Variants in NTN4 observed in about 807,000 individuals in gnomAD.
The protein encoded by NTN4 is netrin-4.
Under a neutral mutation model 73.6 loss-of-function variants are expected in NTN4, and 32 were observed. The ratio of observed to expected loss-of-function variants is 0.44; its 90% confidence interval spans 0.33 to 0.58. NTN4 has a LOEUF of 0.58. Among genes scored for constraint, NTN4 ranks in the 20% least tolerant of loss-of-function variants. NTN4 has a pLI of 0.04. For synonymous variants in NTN4, 258 were observed against 287.5 expected, an observed-to-expected ratio of 0.90 and a Z score of 1.04; for missense variants, 654 against 798.3, an observed-to-expected ratio of 0.82 and a Z score of 2.18.
At chr12:95,769,468 G>A (rs1242922432) in intron 2 of NTN4, among the ~76,000 whole-genome samples, 2 of 150,946 alleles carry the variant, frequency 1.3e-5, no homozygotes, top group African/African-American at 2.4e-5. Context: ...AGCAATGAAC[G>A]ACTCGCGAGT....
Position 95,749,404 on chromosome 12 carries a change from A to C in NTN4, c.586-11260T>G, listed in dbSNP as rs568472360. ...TCAGGTCCTCAGACCGACCAGCCCA[A>C]GGAACATCTCACCAATTTTAAATCA... On this transcript the variant is annotated intron_variant, in intron 2 of 9. Coordinates refer to ENST00000343702, the MANE Select transcript of NTN4 (RefSeq NM_021229.4). 5.0e-3 allele frequency among the ~76,000 whole-genome samples: 758 copies of C among 152,324 alleles called. 7 individuals carry two copies. Among genetic ancestry groups the C allele is most frequent in the Middle Eastern group, 6.8e-3 (2 of 294 alleles).
At chr12:95,760,679 T>C (rs914468093) in intron 2 of NTN4, among the ~76,000 whole-genome samples, 2 of 126,400 alleles carry the variant, frequency 1.6e-5, no homozygotes, top group African/African-American at 3.1e-5. Context: ...AATTGTATCA[T>C]CTTTTTTTTT....
chr12:95,786,184 A>G (rs1163394481), intron 2 of NTN4, among the ~76,000 whole-genome samples: 1 of 152,186 alleles, frequency 6.6e-6, no homozygotes, highest in Admixed American at 6.5e-5. Context: ...TTATTGAAGT[A>G]TTATATTCTC....
At chr12:95,662,500 G>C (rs2078146569) in intron 9 of NTN4, among the ~76,000 whole-genome samples, 1 of 151,782 alleles carries the variant, frequency 6.6e-6, no homozygotes, top group African/African-American at 2.4e-5. Flanking sequence ...CAAAGTGCTG[G>C]GATTACAGGT....
intron 7 of NTN4, among the ~76,000 whole-genome samples, chr12:95,676,250 C>T (rs961812349): frequency 1.1e-4 from 17 of 151,938 alleles, no homozygotes; most frequent in East Asian, 9.7e-4. Flanking sequence ...ATCACAGGTA[C>T]GCGCCACCAC....
chr12:95,720,339 T>C (rs1450083844), intron 3 of NTN4, among the ~76,000 whole-genome samples: 2 of 152,182 alleles, frequency 1.3e-5, no homozygotes, highest in Admixed American at 6.5e-5. Flanking sequence ...CTTGCTCTGA[T>C]GGACAGACCT....
chr12:95,748,417 T>G (rs1317617167), intron 2 of NTN4, among the ~76,000 whole-genome samples: 2 of 151,568 alleles, frequency 1.3e-5, no homozygotes, highest in Non-Finnish European at 2.9e-5. Context: ...CTGGAACTTT[T>G]GCCTAATATA....
intron 2 of NTN4, among the ~76,000 whole-genome samples, chr12:95,752,404 T>C (rs1465341322): frequency 2.1e-4 from 32 of 150,248 alleles, no homozygotes; most frequent in African/African-American, 7.4e-4. Context: ...TATTCTGTTC[T>C]GGATCTCAAA....
At chr12:95,713,444 T>G in intron 3 of NTN4, 106 bp from the exon 4 acceptor site, 1 of 1,262,272 alleles carries the variant, frequency 7.9e-7, no homozygotes, top group Non-Finnish European at 1.1e-6. Flanking sequence ...TCATAAGATG[T>G]TCATTCACTT....
chr12:95,785,264 T>C (rs942958748), intron 2 of NTN4, among the ~76,000 whole-genome samples: 1 of 152,256 alleles, frequency 6.6e-6, no homozygotes, highest in East Asian at 1.9e-4. Context: ...AGCACTGAGA[T>C]GTAAGGAGCC....
At chr12:95,733,100 C>T (rs558885956) in intron 3 of NTN4, among the ~76,000 whole-genome samples, 3 of 152,200 alleles carry the variant, frequency 2.0e-5, no homozygotes, top group Non-Finnish European at 4.4e-5. Flanking sequence ...TTAAATATTT[C>T]TCACAGTATT....
intron 3 of NTN4, among the ~76,000 whole-genome samples, chr12:95,726,181 T>G (rs2078692555): frequency 6.6e-6 from 1 of 152,174 alleles, no homozygotes; most frequent in African/African-American, 2.4e-5. Context: ...TTTCAGTATA[T>G]TCAAAATGTT....
chr12:95,737,801 C>A, intron 3 of NTN4, 65 bp downstream of exon 3: 1 of 1,523,738 alleles, frequency 6.6e-7, no homozygotes, highest in Non-Finnish European at 8.9e-7. Flanking sequence ...CATATACCAA[C>A]CAATGCCCAA....
chr12:95,734,520 T>C (rs1427440011), intron 3 of NTN4, among the ~76,000 whole-genome samples: 2 of 152,170 alleles, frequency 1.3e-5, no homozygotes, highest in African/African-American at 4.8e-5. Context: ...TGTGTGCACA[T>C]ACCTATGATA....
chr12:95,778,573 A>G (rs2079110765), intron 2 of NTN4, among the ~76,000 whole-genome samples: 1 of 152,228 alleles, frequency 6.6e-6, no homozygotes, highest in South Asian at 2.1e-4. Context: ...AGAAGTGGAT[A>G]AATTCCTGGA....
In NTN4 at chr12:95,787,229, A is replaced by G; in HGVS notation, c.295T>C (p.Phe99Leu). ...TGCCACCATGTGCGAGGAAACCGGA[A>G]GGATGAGTCTGCCATGGCAGATGGC... ...HLPSAMADSS[F>L]RFPRTWWQSA... is the part of the protein sequence containing the mutation. Residue 99 changes from phenylalanine to leucine, a missense_variant, in exon 2 of 10, where the codon TTC becomes CTC. Transcript: ENST00000343702. The G allele has an allele frequency of 1.2e-6, 2 of 1,614,224 alleles. No individual in the cohort carries two copies. Among genetic ancestry groups the G allele is most frequent in the East Asian group, 4.5e-5 (2 of 44,878 alleles).
At chr12:95,702,623 A>G (rs1204396564) in intron 5 of NTN4, among the ~76,000 whole-genome samples, 3 of 152,310 alleles carry the variant, frequency 2.0e-5, no homozygotes, top group South Asian at 2.1e-4. Context: ...TTACTATGAT[A>G]TTGTCATCAT....
At chr12:95,668,149 T>G (rs1216727939) in intron 8 of NTN4, among the ~76,000 whole-genome samples, 10 of 151,876 alleles carry the variant, frequency 6.6e-5, no homozygotes, top group Non-Finnish European at 1.3e-4. Context: ...AAGTGTTTTT[T>G]TTTTTTTTTT....
chr12:95,672,584 G>C, intron 7 of NTN4: 1 of 1,524,386 alleles, frequency 6.6e-7, no homozygotes, highest in Non-Finnish European at 9.0e-7. Context: ...GCACTATGGG[G>C]GTCTGACCGA....
Sources: allele counts gnomAD v4.1 joint callset (sites outside exome capture counted in the v4.1 genomes callset), GRCh38; gene constraint gnomAD v4.1.1; transcripts MANE v1.5; gene names NCBI Gene and HGNC (gene_info 2026-07-23, HGNC 2026-07-21).